TENM3: variants seen among roughly 807,000 people sequenced by gnomAD.
The protein encoded by TENM3 is teneurin-3.
A neutral mutation model predicts 255.1 loss-of-function variants in TENM3; 63 were observed. The ratio of observed to expected loss-of-function variants is 0.25; its 90% CI spans 0.20 to 0.30. TENM3 has a LOEUF of 0.30. TENM3 is among the 10% of genes least tolerant of loss of function. The pLI is 1.00. For synonymous variants in TENM3, 1,306 were observed against 1,322.3 expected (o/e 0.99, Z 0.27); for missense variants, 2,929 against 3,461.1 (o/e 0.85, Z 3.86).
chr4:181,665,577 C>T, the TENM3 span, among the ~76,000 whole-genome samples: 1 of 151,658 alleles, frequency 6.6e-6, no homozygotes, highest in East Asian at 1.9e-4. Flanking sequence ...TGTATATATA[C>T]AAATTTACAT....
chr4:181,915,005 C>A, the TENM3 span, among the ~76,000 whole-genome samples: 1 of 152,116 alleles, frequency 6.6e-6, no homozygotes, highest in Non-Finnish European at 1.5e-5. Context: ...GTTTTAGTCA[C>A]GGAAGTCAAG....
chr4:182,264,051 G>A (rs996382191), intron 1 of TENM3, among the ~76,000 whole-genome samples: 3 of 152,188 alleles, frequency 2.0e-5, no homozygotes, highest in African/African-American at 7.2e-5. Context: ...CCGGCAAAGG[G>A]TAAGAATTCT....
At chr4:182,230,643 C>T (rs1419059957) in intron 1 of TENM3, among the ~76,000 whole-genome samples, 1 of 151,674 alleles carries the variant, frequency 6.6e-6, no homozygotes, top group Non-Finnish European at 1.5e-5. Flanking sequence ...CTGCACCCTT[C>T]CTACGCAAAG....
At chr4:181,761,612 A>C in the TENM3 span, among the ~76,000 whole-genome samples, 1 of 152,206 alleles carries the variant, frequency 6.6e-6, no homozygotes, top group East Asian at 1.9e-4. Context: ...CATCACATCT[A>C]AAAACTAGTG....
chr4:181,787,914 G>T, the TENM3 span, among the ~76,000 whole-genome samples: 4 of 152,080 alleles, frequency 2.6e-5, no homozygotes, highest in South Asian at 2.1e-4. Flanking sequence ...GGCGGAACTT[G>T]AGCCCCGGAG....
the TENM3 span, among the ~76,000 whole-genome samples, chr4:181,604,183 T>A: frequency 2.6e-5 from 4 of 152,008 alleles, no homozygotes; most frequent in South Asian, 4.1e-4. Context: ...GAGAATGGCG[T>A]GAACCCGGGA....
the TENM3 span, among the ~76,000 whole-genome samples, chr4:181,839,115 C>CT: frequency 6.6e-6 from 1 of 150,876 alleles, no homozygotes. Flanking sequence ...ATTATAATTT[C>CT]TTTTTTGACT....
the TENM3 span, among the ~76,000 whole-genome samples, chr4:182,060,105 T>C: frequency 6.6e-6 from 1 of 152,026 alleles, no homozygotes; most frequent in East Asian, 1.9e-4. Context: ...AGGGTGGTGG[T>C]ACACATCTGT....
At chr4:182,765,459 C>T (rs567208795) in intron 22 of TENM3, among the ~76,000 whole-genome samples, 1 of 152,268 alleles carries the variant, frequency 6.6e-6, no homozygotes, top group South Asian at 2.1e-4. Context: ...GATCTTCTTT[C>T]TTTGCTCCCT....
rs534132617 is a variant in TENM3, at chr4:182,504,181, CT to C, written c.512-96731del. On this transcript the variant is annotated intron_variant, in intron 3 of 27. Transcript: ENST00000511685. The stretch of plus-strand genomic sequence containing the variant: ...TAAATATCCCTTCCTTCCCATGGAA[CT>C]TTTTTTTTTTTCTTAAATTTTAAAA... Among the ~76,000 whole-genome samples, 332 of 146,556 alleles carry C rather than the reference CT, an allele frequency of 2.3e-3. 3 individuals are homozygous for C. The highest frequency in any genetic ancestry group is 7.2e-3 in the Middle Eastern group (2 of 278).
At chr4:182,424,402 T>C (rs1771055036) in intron 3 of TENM3, among the ~76,000 whole-genome samples, 1 of 152,174 alleles carries the variant, frequency 6.6e-6, no homozygotes, top group African/African-American at 2.4e-5. Flanking sequence ...TTCTAGCATT[T>C]ACCCCTTAGA....
At chr4:181,680,687 T>C in the TENM3 span, among the ~76,000 whole-genome samples, 1 of 152,168 alleles carries the variant, frequency 6.6e-6, no homozygotes, top group Non-Finnish European at 1.5e-5. Flanking sequence ...GTGCTTTTTT[T>C]CTGTAAAAGA....
the TENM3 span, among the ~76,000 whole-genome samples, chr4:181,753,706 G>C: frequency 2.6e-5 from 4 of 152,188 alleles, no homozygotes; most frequent in Non-Finnish European, 5.9e-5. Flanking sequence ...GGTAACATTA[G>C]TAACGTATTA....
At chr4:181,459,950 C>T in the TENM3 span, among the ~76,000 whole-genome samples, 10 of 152,026 alleles carry the variant, frequency 6.6e-5, no homozygotes, top group South Asian at 1.9e-3. Flanking sequence ...TATCTCTCTT[C>T]ACTGATTTTC....
At chr4:181,528,702 G>A in the TENM3 span, among the ~76,000 whole-genome samples, 29 of 152,188 alleles carry the variant, frequency 1.9e-4, no homozygotes, top group Non-Finnish European at 4.1e-4. Context: ...ATTTCACCGA[G>A]GAGGTGGAAT....
At chr4:181,964,295 G>C in the TENM3 span, among the ~76,000 whole-genome samples, 40 of 152,194 alleles carry the variant, frequency 2.6e-4, no homozygotes, top group African/African-American at 9.1e-4. Context: ...TATGGACTTA[G>C]GGTGTCAAAA....
intron 13 of TENM3, among the ~76,000 whole-genome samples, chr4:182,718,363 T>C (rs1007940354): frequency 6.6e-6 from 1 of 152,036 alleles, no homozygotes; most frequent in South Asian, 2.1e-4. Context: ...ACATTTCACT[T>C]CCTAATAACT....
At chr4:181,833,893 G>A in the TENM3 span, among the ~76,000 whole-genome samples, 10 of 152,100 alleles carry the variant, frequency 6.6e-5, no homozygotes, top group African/African-American at 2.2e-4. Flanking sequence ...TCCTAACACA[G>A]CACCTGGCAC....
chr4:182,356,043 G>A (rs1306398963), intron 3 of TENM3, among the ~76,000 whole-genome samples: 1 of 151,834 alleles, frequency 6.6e-6, no homozygotes, highest in African/African-American at 2.4e-5. Flanking sequence ...GAAAAGAAGA[G>A]GAGTGAAGCT....
Sources: allele counts gnomAD v4.1 joint callset (sites outside exome capture counted in the v4.1 genomes callset), GRCh38; gene constraint gnomAD v4.1.1; transcripts MANE v1.5; gene names NCBI Gene and HGNC (gene_info 2026-07-23, HGNC 2026-07-21).